The following LRP1B variants were observed in gnomAD, a reference collection of about 807,000 sequenced individuals.
LRP1B encodes LDL receptor related protein 1B.
LRP1B carries 217 observed loss-of-function variants against 556.6 expected under a neutral mutation model. The ratio of observed to expected loss-of-function variants is 0.39; its 90% CI spans 0.35 to 0.44. The LOEUF (loss-of-function observed/expected upper bound fraction) is 0.44. Ranked by LOEUF, LRP1B falls within the 20% of genes least tolerant of loss-of-function variation. The probability of loss-of-function intolerance (pLI) is 1.00; values close to 1 mark genes in which losing one functional copy is unlikely to be tolerated. For synonymous variants in LRP1B, 2,047 were observed against 1,865.8 expected, an observed-to-expected ratio of 1.10 and a Z score of -2.50; for missense variants, 5,053 against 5,620.8, an observed-to-expected ratio of 0.90 and a Z score of 3.23.
chr2:140,245,156 A>C (rs773542467), intron 87 of LRP1B, among the ~76,000 whole-genome samples: 3 of 151,430 alleles, frequency 2.0e-5, no homozygotes, highest in Non-Finnish European at 4.4e-5. Flanking sequence ...ATGACTTTAA[A>C]TTAGTGATGG....
At chr2:141,942,100 TCAAA>T (rs1265804265) in intron 1 of LRP1B, among the ~76,000 whole-genome samples, 3 of 152,274 alleles carry the variant, frequency 2.0e-5, no homozygotes, top group African/African-American at 4.8e-5. Flanking sequence ...TGACTATTAC[TCAAA>T]CAATCAGTTC....
chr2:140,252,102 A>AAAAAAAACCC (rs1291853504), intron 86 of LRP1B, among the ~76,000 whole-genome samples: 1 of 146,964 alleles, frequency 6.8e-6, no homozygotes, highest in African/African-American at 2.5e-5. Context: ...CAAAAAACAA[A>AAAAAAAACCC]AAAAAACAGA....
At position 141,954,124 on chromosome 2, in the gene LRP1B, T is replaced by C. The variant is rs149229835; in HGVS notation, c.83-143723A>G. Among the ~76,000 whole-genome samples the C allele has an allele frequency of 1.4e-3, 219 of 152,232 alleles. 1 individual carries two copies. The highest frequency in any genetic ancestry group is 5.0e-3 in the African/African-American group (209 of 41,580). On this transcript the variant is annotated intron_variant, in intron 1 of 90. Transcript: ENST00000389484. ...TTCATAATTTGATGCCCAGCATCTATTTCCAGGCAAATGTTTTCTATTATT... is the reference window on the plus strand; with the variant it reads ...TTCATAATTTGATGCCCAGCATCTACTTCCAGGCAAATGTTTTCTATTATT...
intron 7 of LRP1B, among the ~76,000 whole-genome samples, chr2:141,152,583 G>A (rs1362353069): frequency 1.3e-5 from 2 of 151,850 alleles, no homozygotes; most frequent in Admixed American, 6.6e-5. Flanking sequence ...ATACACCCTG[G>A]CTCAGACAGG....
chr2:140,697,846 A>C (rs1219230887), intron 41 of LRP1B, among the ~76,000 whole-genome samples: 1 of 152,108 alleles, frequency 6.6e-6, no homozygotes, highest in Non-Finnish European at 1.5e-5. Flanking sequence ...AGTTTTAGAA[A>C]TATAGTGTTG....
chr2:141,437,122 T>G (rs987932349), intron 3 of LRP1B, among the ~76,000 whole-genome samples: 1 of 152,120 alleles, frequency 6.6e-6, no homozygotes, highest in Non-Finnish European at 1.5e-5. Context: ...CTCCCCTGGC[T>G]AAGCATAAGA....
chr2:141,228,032 T>C (rs940316588), intron 6 of LRP1B, among the ~76,000 whole-genome samples: 6 of 152,102 alleles, frequency 3.9e-5, no homozygotes, highest in African/African-American at 1.2e-4. Flanking sequence ...GTTCAAGCGA[T>C]TCTTCTGGCT....
chr2:141,644,824 C>A (rs1245717332), intron 2 of LRP1B, among the ~76,000 whole-genome samples: 2 of 151,362 alleles, frequency 1.3e-5, no homozygotes, highest in Non-Finnish European at 2.9e-5. Flanking sequence ...AAAAAATAGA[C>A]TTGGAACTCA....
chr2:141,718,809 T>A (rs1182846691), intron 2 of LRP1B, among the ~76,000 whole-genome samples: 1 of 152,182 alleles, frequency 6.6e-6, no homozygotes, highest in African/African-American at 2.4e-5. Context: ...TCCTGTCAAT[T>A]AGTTCTAGGA....
chr2:141,826,903 G>T (rs554965), intron 1 of LRP1B, among the ~76,000 whole-genome samples: 31,752 of 151,934 alleles, frequency 0.21, 3,437 homozygotes, highest in East Asian at 0.33. Context: ...ATCTTTATCA[G>T]TCCAAGAGAT....
intron 31 of LRP1B, among the ~76,000 whole-genome samples, chr2:140,834,109 A>G (rs1211060754): frequency 6.6e-6 from 1 of 152,212 alleles, no homozygotes; most frequent in Non-Finnish European, 1.5e-5. Context: ...ACTTCCCCTC[A>G]GAATCTTTTT....
intron 11 of LRP1B, among the ~76,000 whole-genome samples, chr2:141,021,347 T>C (rs1021952879): frequency 2.6e-5 from 4 of 151,540 alleles, no homozygotes; most frequent in African/African-American, 9.7e-5. Flanking sequence ...TGGTACAAAA[T>C]GTGATCTGAT....
chr2:141,596,331 G>A, intron 2 of LRP1B, among the ~76,000 whole-genome samples: 1 of 151,924 alleles, frequency 6.6e-6, no homozygotes. Context: ...AAAAAAATCA[G>A]AACTTATGAA....
At chr2:140,315,416 CTTTTT>C (rs1380816064) in intron 82 of LRP1B, among the ~76,000 whole-genome samples, 1 of 151,832 alleles carries the variant, frequency 6.6e-6, no homozygotes, top group South Asian at 2.1e-4. Flanking sequence ...CATCTTATTT[CTTTTT>C]TATTTTACTG....
rs530578909 is a variant in LRP1B at position 141,041,200 on chromosome 2, C to T, written c.1789+7786G>A. On this transcript the variant is annotated intron_variant, in intron 11 of 90. Coordinates refer to ENST00000389484, the MANE Select transcript of LRP1B (RefSeq NM_018557.3). ...CAATCAAATAGAACACACCTTCATA[C>T]GTAAAGTCAGTATATCAGTATAGCA... is the stretch of plus-strand genomic sequence containing the variant. Among the ~76,000 whole-genome samples, 7 of 152,062 alleles carry T rather than the reference C, an allele frequency of 4.6e-5. No individual in the cohort carries two copies. The East Asian group carries it at 7.7e-4, about 17-fold the overall frequency.
rs1686466277 is a variant in LRP1B at position 140,697,332 on chromosome 2, T to A, written c.6799+2918A>T. Among the ~76,000 whole-genome samples the A allele has an allele frequency of 2.0e-5, 3 of 152,210 alleles. No individual in the cohort carries two copies. The South Asian group carries it at 6.2e-4, about 32-fold the overall frequency. ...CTTCAGACACGGCACTCACAACCCT[T>A]ACAGTTCATCAGACCTAAACATAAC... On this transcript the variant is annotated intron_variant, in intron 41 of 90. Transcript: ENST00000389484.
intron 3 of LRP1B, among the ~76,000 whole-genome samples, chr2:141,319,721 T>C (rs1687168591): frequency 6.6e-6 from 1 of 152,100 alleles, no homozygotes; most frequent in Non-Finnish European, 1.5e-5. Context: ...TCTTGATCCA[T>C]AGTCTGTCAC....
At chr2:141,842,392 C>T (rs1697506744) in intron 1 of LRP1B, among the ~76,000 whole-genome samples, 1 of 151,966 alleles carries the variant, frequency 6.6e-6, no homozygotes, top group Admixed American at 6.6e-5. Context: ...ATCTTAACCT[C>T]TTTTCAACTA....
intron 35 of LRP1B, among the ~76,000 whole-genome samples, chr2:140,727,997 C>A (rs2890542): frequency 6.6e-6 from 1 of 152,160 alleles, no homozygotes; most frequent in East Asian, 1.9e-4. Flanking sequence ...AATCTGCAGA[C>A]TTCAAAGATT....
Sources: allele counts gnomAD v4.1 joint callset (sites outside exome capture counted in the v4.1 genomes callset), GRCh38; gene constraint gnomAD v4.1.1; transcripts MANE v1.5; gene names NCBI Gene and HGNC (gene_info 2026-07-23, HGNC 2026-07-21).